The following RIMBP2 variants were observed in gnomAD, a reference collection of about 807,000 sequenced individuals.
The protein encoded by RIMBP2 is RIMS binding protein 2.
RIMBP2 carries 48 observed loss-of-function variants against 118.6 expected under a neutral mutation model. The observed-to-expected ratio is 0.40, with a 90% CI of 0.32 to 0.51. The LOEUF is 0.51. RIMBP2 is among the 20% of genes least tolerant of loss of function. RIMBP2 has a pLI of 0.41. For missense variants in RIMBP2, 1,551 were observed against 1,768.3 expected (o/e 0.88, Z 2.20); for synonymous variants, 762 against 742.9 (o/e 1.03, Z -0.42).
chr12:130,562,012 C>T (rs1046477483), intron 2 of RIMBP2, among the ~76,000 whole-genome samples: 1 of 152,032 alleles, frequency 6.6e-6, no homozygotes, highest in African/African-American at 2.4e-5. Context: ...AACTATCAAA[C>T]TCTGCAAAAA....
Position 130,604,582 on chromosome 12 carries a change from C to CTTTTTTTTTTTTT in RIMBP2, c.-217+23739_-217+23740insAAAAAAAAAAAAA, listed in dbSNP as rs777097560. 4.8e-3 allele frequency among the ~76,000 whole-genome samples: 326 copies of CTTTTTTTTTTTTT among 67,218 alleles called. 93 individuals are homozygous for CTTTTTTTTTTTTT. The highest frequency in any genetic ancestry group is 5.1e-3 in the Non-Finnish European group (188 of 36,704). The allele number at this position is 67,218 out of a possible 152,430, so 44.1% of individuals were successfully genotyped here. On this transcript the variant is annotated intron_variant, in intron 2 of 22. Transcript: ENST00000690449. ...AGTGCCCTATACAGATGCCCCTTTT[C>CTTTTTTTTTTTTT]TTTCTTTTTTTTTTTTTTTGAGACA... is the stretch of plus-strand genomic sequence containing the variant.
At chr12:130,580,945 GTGTT>G (rs1475168422) in intron 2 of RIMBP2, among the ~76,000 whole-genome samples, 133 of 151,192 alleles carry the variant, frequency 8.8e-4, no homozygotes, top group African/African-American at 2.8e-3. Context: ...GTGTGTGTGT[GTGTT>G]TGTTTGTGTG....
At chr12:130,400,630 GACATA>G (rs1344648811) in intron 21 of RIMBP2, among the ~76,000 whole-genome samples, 2 of 152,150 alleles carry the variant, frequency 1.3e-5, no homozygotes, top group African/African-American at 4.8e-5. Context: ...TCTAGGAAAT[GACATA>G]AAGAGCCTAC....
At chr12:130,678,922 C>T (rs796743893) in intron 1 of RIMBP2, among the ~76,000 whole-genome samples, 23 of 152,288 alleles carry the variant, frequency 1.5e-4, no homozygotes, top group Admixed American at 2.6e-4. Context: ...TGAGGCGTGA[C>T]GGCCAGAGGG....
At position 130,428,174 on chromosome 12, in the gene RIMBP2, C is replaced by T. The variant is rs769599368; in HGVS notation, c.2412+5G>A. On this transcript the variant is annotated splice_donor_5th_base_variant and intron_variant, in intron 15 of 22. Transcript: ENST00000690449. ...GTGCAGGGTCCCCCTTCCCCAGCCACTCACCTTGAGGGCATTGTGGGACGT... is the reference window on the plus strand; with the variant it reads ...GTGCAGGGTCCCCCTTCCCCAGCCATTCACCTTGAGGGCATTGTGGGACGT... 1.3e-6 allele frequency: 2 copies of T among 1,594,074 alleles called. No individual in the cohort carries two copies. The highest frequency in any genetic ancestry group is 1.7e-6 in the Non-Finnish European group (2 of 1,170,244).
intron 4 of RIMBP2, among the ~76,000 whole-genome samples, chr12:130,494,437 G>A (rs1207865565): frequency 1.6e-4 from 25 of 152,046 alleles, no homozygotes; most frequent in Admixed American, 1.3e-3. Context: ...TCAAGAGTTC[G>A]AGACCAGCCT....
intron 1 of RIMBP2, among the ~76,000 whole-genome samples, chr12:130,635,579 C>T (rs1298389891): frequency 6.6e-6 from 1 of 152,180 alleles, no homozygotes; most frequent in Non-Finnish European, 1.5e-5. Context: ...ACCCAGGTCA[C>T]TGCACATCAG....
chr12:130,684,805 C>A (rs888206352), intron 1 of RIMBP2, among the ~76,000 whole-genome samples: 1 of 152,114 alleles, frequency 6.6e-6, no homozygotes, highest in African/African-American at 2.4e-5. Context: ...CGAGTATTAC[C>A]CTTAGGGTGG....
At chr12:130,686,051 G>C (rs147650207) in intron 1 of RIMBP2, among the ~76,000 whole-genome samples, 1 of 152,124 alleles carries the variant, frequency 6.6e-6, no homozygotes, top group African/African-American at 2.4e-5. Context: ...TGGCCCCAGC[G>C]CCTCACACCG....
intron 19 of RIMBP2, 77 bp from the exon 20 acceptor site, chr12:130,407,906 C>A: frequency 7.7e-7 from 1 of 1,294,834 alleles, no homozygotes; most frequent in East Asian, 2.3e-5. Flanking sequence ...CCTTCCGGGT[C>A]ACACATGGCC....
At chr12:130,643,560 A>G (rs1369993434) in intron 1 of RIMBP2, among the ~76,000 whole-genome samples, 2 of 149,140 alleles carry the variant, frequency 1.3e-5, no homozygotes, top group African/African-American at 5.2e-5. Flanking sequence ...GAGAAGAAAG[A>G]AATCACTAGG....
In RIMBP2 at chr12:130,617,868, A is replaced by G. The variant is rs754193861; in HGVS notation, c.-217+10454T>C. Among the ~76,000 whole-genome samples, 20 of 152,116 alleles carry G rather than the reference A, an allele frequency of 1.3e-4. No homozygotes were observed. Among genetic ancestry groups the G allele is most frequent in the Non-Finnish European group, 2.9e-4 (20 of 68,020 alleles). ...TGCATCAGCTGATTTTCAGATTGCC[A>G]GGTCTCTTTAGAACTGGGAGATTCT... On this transcript the variant is annotated intron_variant, in intron 2 of 22. Coordinates refer to ENST00000690449, the MANE Select transcript of RIMBP2 (RefSeq NM_001393629.1). This position sits in a 1 kb window ranked among gnomAD's most constrained non-coding sequence, Gnocchi z 4.6.
chr12:130,508,004 C>T (rs751049707), intron 3 of RIMBP2, among the ~76,000 whole-genome samples: 15 of 152,136 alleles, frequency 9.9e-5, no homozygotes, highest in Non-Finnish European at 2.1e-4. Context: ...GTAGAGAGGT[C>T]TCATTCGAAG....
At chr12:130,695,386 A>G (rs1349005391) in intron 1 of RIMBP2, among the ~76,000 whole-genome samples, 1 of 152,238 alleles carries the variant, frequency 6.6e-6, no homozygotes. Context: ...TCTCAGAGCT[A>G]CGTTGACAGG....
At chr12:130,474,290 C>T (rs2081254948) in intron 5 of RIMBP2, among the ~76,000 whole-genome samples, 1 of 152,196 alleles carries the variant, frequency 6.6e-6, no homozygotes, top group African/African-American at 2.4e-5. Flanking sequence ...CCTCCACAGG[C>T]ATTTACTGAA....
In RIMBP2 at chr12:130,407,754, C is replaced by T. The variant is rs2075311117; in HGVS notation, c.3665G>A (p.Arg1222Lys). 1 of 1,614,146 alleles carries T rather than the reference C, an allele frequency of 6.2e-7. No homozygotes were observed. The highest frequency in any genetic ancestry group is 8.5e-7 in the Non-Finnish European group (1 of 1,180,012). ...RMVALYDYDPRESSPNVDVEA... is the reference protein window; with the variant it reads ...RMVALYDYDPKESSPNVDVEA... The stretch of plus-strand genomic sequence containing the variant: ...GACATCGACGTTGGGCGAGCTTTCT[C>T]TGGGGTCGTAGTCATACAGGGCCAC... Residue 1222 changes from arginine to lysine, a missense_variant, in exon 20 of 23, where the codon AGA becomes AAA. This residue lies in a region of RIMBP2 where 1,038 missense variants were observed against 1,125.1 expected (regional missense o/e 0.92). Transcript: ENST00000690449.
chr12:130,667,159 GGAAGA>G (rs2063986729), intron 1 of RIMBP2: 1 of 117,282 alleles, frequency 8.5e-6, no homozygotes, highest in African/African-American at 3.2e-5. Context: ...AGGAAGGGAG[GGAAGA>G]AGGGAGGGAG....
chr12:130,533,168 C>A (rs10848136), intron 2 of RIMBP2, among the ~76,000 whole-genome samples: 11,684 of 148,606 alleles, frequency 0.079, 494 homozygotes, highest in South Asian at 0.15. Context: ...CTAGGAGTTA[C>A]GTCTAATGAG....
Position 130,679,602 on chromosome 12 carries a change from G to A in RIMBP2, c.-352+36620C>T, listed in dbSNP as rs1489236794. Among the ~76,000 whole-genome samples, 12 of 152,166 alleles carry A rather than the reference G, an allele frequency of 7.9e-5. No homozygotes were observed. In the East Asian group the frequency reaches 1.7e-3, roughly 22 times the overall value. ...TGCGGGTGCAGGTGCGGGCGCATTCGCCTGGTGAGAATCTAGCAGCTGAGA... is the reference window on the plus strand; with the variant it reads ...TGCGGGTGCAGGTGCGGGCGCATTCACCTGGTGAGAATCTAGCAGCTGAGA... On this transcript the variant is annotated intron_variant, in intron 1 of 22. Transcript: ENST00000690449.
Sources: gnomAD v4.1 joint callset for allele counts (sites outside exome capture counted in the v4.1 genomes callset) on GRCh38, gnomAD v4.1.1 for gene constraint, gnomAD v4.1.1 regional missense constraint, Gnocchi (gnomAD v3.1) non-coding constraint, MANE v1.5 for transcripts, NCBI Gene and HGNC (gene_info 2026-07-23, HGNC 2026-07-21) for gene names.